Variants in PCDHA7 observed in about 807,000 individuals in gnomAD.
The protein encoded by PCDHA7 is protocadherin alpha-7.
A neutral mutation model predicts 57.2 loss-of-function variants in PCDHA7; 37 were observed. The observed-to-expected ratio is 0.65, with a 90% CI of 0.50 to 0.85. PCDHA7 has a LOEUF of 0.85. Ranked by LOEUF, PCDHA7 falls within the 40% of genes least tolerant of loss-of-function variation. The pLI is 0.00. For missense variants in PCDHA7, 1,188 were observed against 1,241.8 expected (o/e 0.96, Z 0.65); for synonymous variants, 553 against 558.8 (o/e 0.99, Z 0.15).
chr5:140,871,490 G>A (rs1554165680), intron 1 of PCDHA7: 1 of 1,590,548 alleles, frequency 6.3e-7, no homozygotes, highest in Admixed American at 1.8e-5. Context: ...AATCACCCCG[G>A]ACAGGTGAGT....
At chr5:140,973,489 G>T (rs1554235344) in intron 1 of PCDHA7, among the ~76,000 whole-genome samples, 2 of 152,096 alleles carry the variant, frequency 1.3e-5, no homozygotes, top group African/African-American at 4.8e-5. Flanking sequence ...TTGGTCACAG[G>T]ACTCTTCTTC....
At chr5:140,946,032 A>C (rs1440402875) in intron 1 of PCDHA7, among the ~76,000 whole-genome samples, 2 of 152,102 alleles carry the variant, frequency 1.3e-5, no homozygotes, top group Admixed American at 1.3e-4. Flanking sequence ...AGAAAACAAG[A>C]GTGAAGGGAC....
intron 1 of PCDHA7, among the ~76,000 whole-genome samples, chr5:140,951,182 C>T (rs782338729): frequency 9.2e-5 from 14 of 151,876 alleles, no homozygotes; most frequent in East Asian, 1.9e-4. Context: ...AGTCATTGTC[C>T]GCTAATTCCC....
chr5:140,852,300 C>T (rs1056866634), intron 1 of PCDHA7: 15 of 446,010 alleles, frequency 3.4e-5, no homozygotes, highest in East Asian at 3.0e-4. Context: ...TTTTCTGAGA[C>T]GGAGTCGTTT....
chr5:140,875,157 A>T, intron 1 of PCDHA7: 1 of 333,552 alleles, frequency 3.0e-6, no homozygotes, highest in Non-Finnish European at 5.3e-6. Flanking sequence ...CGTGAAAAAT[A>T]ACCCAAAGTC....
intron 1 of PCDHA7, among the ~76,000 whole-genome samples, chr5:140,878,826 C>G (rs1048428036): frequency 1.3e-5 from 2 of 152,182 alleles, no homozygotes; most frequent in Non-Finnish European, 2.9e-5. Flanking sequence ...CTATGTTGCA[C>G]AGGCTGGACT....
intron 1 of PCDHA7, among the ~76,000 whole-genome samples, chr5:140,887,101 C>CTT (rs200717289): frequency 4.1e-5 from 6 of 145,304 alleles, no homozygotes; most frequent in African/African-American, 1.0e-4. Context: ...ATCTTTATCT[C>CTT]TTTTTTTTTT....
At chr5:140,997,118 C>A (rs1319289091) in intron 3 of PCDHA7, among the ~76,000 whole-genome samples, 24 of 152,088 alleles carry the variant, frequency 1.6e-4, no homozygotes, top group Non-Finnish European at 3.1e-4. Context: ...TGCTCTCCCA[C>A]ATACACAATG....
intron 3 of PCDHA7, among the ~76,000 whole-genome samples, chr5:141,008,048 G>A (rs2098358764): frequency 1.3e-5 from 2 of 151,972 alleles, no homozygotes; most frequent in South Asian, 4.2e-4. Flanking sequence ...TTTGTAACAG[G>A]GGTCCAGTCC....
chr5:140,887,955 CTTTT>C (rs2061644555), intron 1 of PCDHA7, among the ~76,000 whole-genome samples: 2 of 152,088 alleles, frequency 1.3e-5, no homozygotes, highest in African/African-American at 4.8e-5. Flanking sequence ...GTATAAGATT[CTTTT>C]TGTCTCTTTT....
intron 1 of PCDHA7, chr5:140,841,685 G>T (rs1332759626): frequency 6.2e-7 from 1 of 1,613,842 alleles, no homozygotes; most frequent in Non-Finnish European, 8.5e-7. Context: ...TGTGGACGTG[G>T]AGGTGAAGGA....
In PCDHA7 at chr5:140,882,349, T is replaced by G. The variant is rs782020720; in HGVS notation, c.2355+45611T>G. On this transcript the variant is annotated intron_variant, in intron 1 of 3. Transcript: ENST00000525929. ...TGATCCTCGCAGCCTGGGAGACGGG[T>G]AGTGGCCAGCTCCACTACTCCGTCC... 9 of 1,613,872 alleles carry G rather than the reference T, an allele frequency of 5.6e-6. No individual in the cohort carries two copies. The Admixed American group carries it at 1.3e-4, about 24-fold the overall frequency.
rs1476746131 is a variant in PCDHA7, at chr5:140,870,515, G to A, written c.2355+33777G>A. 8.7e-6 allele frequency: 14 copies of A among 1,614,236 alleles called. No homozygotes were observed. Among genetic ancestry groups the A allele is most frequent in the Non-Finnish European group, 1.1e-5 (13 of 1,180,048 alleles). On this transcript the variant is annotated intron_variant, in intron 1 of 3. Transcript: ENST00000525929. The stretch of plus-strand genomic sequence containing the variant: ...GTGAAGGAGAACAACCCACCAGGCT[G>A]CCACATCTTCACAGTGTCGGCGCGG...
intron 1 of PCDHA7, chr5:140,966,615 G>C (rs1423136904): frequency 3.9e-6 from 3 of 773,600 alleles, no homozygotes; most frequent in Non-Finnish European, 5.6e-6. Flanking sequence ...GAGGGCCTAC[G>C]GAGGGAGCGG....
intron 1 of PCDHA7, chr5:140,850,245 T>C (rs2150475422): frequency 5.6e-6 from 9 of 1,593,300 alleles, no homozygotes; most frequent in Non-Finnish European, 6.9e-6. Context: ...GGTGCTGCGG[T>C]CGGTGGGCGC....
intron 1 of PCDHA7, chr5:140,852,001 C>G (rs2042214693): frequency 1.0e-6 from 1 of 975,480 alleles, no homozygotes; most frequent in East Asian, 1.1e-4. Context: ...TGTTTGTTTT[C>G]TAATTTATAG....
intron 1 of PCDHA7, chr5:140,927,902 C>T (rs782319959): frequency 1.5e-5 from 25 of 1,614,182 alleles, no homozygotes; most frequent in Non-Finnish European, 2.1e-5. Flanking sequence ...AACGATCATG[C>T]CCCCGAACTG....
intron 1 of PCDHA7, chr5:140,855,925 C>A: frequency 1.6e-6 from 2 of 1,240,618 alleles, no homozygotes; most frequent in African/African-American, 1.5e-5. Flanking sequence ...TAGGAAGTAG[C>A]GTCATTCTGA....
intron 1 of PCDHA7, chr5:140,871,328 G>A (rs374687707): frequency 6.2e-7 from 1 of 1,614,128 alleles, no homozygotes; most frequent in Admixed American, 1.7e-5. Flanking sequence ...GTGTGCTCCC[G>A]CGCGGTGGGG....
Sources: allele counts gnomAD v4.1 joint callset (sites outside exome capture counted in the v4.1 genomes callset), GRCh38; gene constraint gnomAD v4.1.1; transcripts MANE v1.5; gene names NCBI Gene and HGNC (gene_info 2026-07-23, HGNC 2026-07-21).